The following EPHA7 variants were observed in gnomAD, a reference collection of about 807,000 sequenced individuals.
The protein encoded by EPHA7 is ephrin type-A receptor 7.
In EPHA7, 25 loss-of-function variants were observed where a neutral mutation model predicts 112.6. The observed-to-expected ratio is 0.22, with a 90% CI of 0.16 to 0.31. The LOEUF is 0.31. Among genes scored for constraint, EPHA7 ranks in the 10% least tolerant of loss-of-function variants. The pLI is 1.00. For missense variants in EPHA7, 962 were observed against 1,212.6 expected, an observed-to-expected ratio of 0.79 and a Z score of 3.07; for synonymous variants, 437 against 406.5, an observed-to-expected ratio of 1.07 and a Z score of -0.90.
intron 3 of EPHA7, among the ~76,000 whole-genome samples, chr6:93,372,977 C>T (rs1490249350): frequency 1.3e-5 from 2 of 152,008 alleles, no homozygotes; most frequent in African/African-American, 4.8e-5. Context: ...AAATGTAGTA[C>T]TTCCTTCTGA....
chr6:93,343,187 T>C (rs902641007), intron 5 of EPHA7, among the ~76,000 whole-genome samples: 1 of 151,634 alleles, frequency 6.6e-6, no homozygotes, highest in South Asian at 2.1e-4. Context: ...CCTTCAACAA[T>C]CTATCTGTCC....
chr6:93,359,921 A>ATAGATAGG (rs1776175142), intron 3 of EPHA7, among the ~76,000 whole-genome samples: 2 of 147,086 alleles, frequency 1.4e-5, no homozygotes, highest in South Asian at 4.3e-4. Flanking sequence ...AGATAGATAG[A>ATAGATAGG]GATAGACAGA....
intron 3 of EPHA7, among the ~76,000 whole-genome samples, chr6:93,389,121 T>C (rs1313028963): frequency 2.6e-5 from 4 of 152,080 alleles, no homozygotes; most frequent in Admixed American, 1.3e-4. Context: ...TTCTGTATCA[T>C]TTCCAGCCAC....
chr6:93,364,715 GTACAAC>G (rs1776425188), intron 3 of EPHA7, among the ~76,000 whole-genome samples: 1 of 151,858 alleles, frequency 6.6e-6, no homozygotes, highest in African/African-American at 2.4e-5. Flanking sequence ...AATTACCTAT[GTACAAC>G]TACTGTGTAC....
At chr6:93,393,543 T>C (rs1778011549) in intron 3 of EPHA7, among the ~76,000 whole-genome samples, 1 of 151,882 alleles carries the variant, frequency 6.6e-6, no homozygotes, top group South Asian at 2.1e-4. Context: ...CAGAAGACTT[T>C]ATGATTCCAA....
chr6:93,291,458 C>T (rs1446946548), intron 5 of EPHA7, among the ~76,000 whole-genome samples: 1 of 152,126 alleles, frequency 6.6e-6, no homozygotes, highest in African/African-American at 2.4e-5. Context: ...ACTTCCATCA[C>T]TAAACAACAG....
chr6:93,413,028 A>G (rs1311649712), intron 2 of EPHA7, among the ~76,000 whole-genome samples: 1 of 152,010 alleles, frequency 6.6e-6, no homozygotes, highest in African/African-American at 2.4e-5. Context: ...TTCATTTAAC[A>G]CAACTGTTGT....
chr6:93,389,018 T>C (rs1378404338), intron 3 of EPHA7, among the ~76,000 whole-genome samples: 1 of 151,978 alleles, frequency 6.6e-6, no homozygotes, highest in Non-Finnish European at 1.5e-5. Flanking sequence ...GTAAGATAGA[T>C]AAGACACAGA....
chr6:93,417,382 C>G (rs1344752434), intron 1 of EPHA7, among the ~76,000 whole-genome samples: 1 of 152,104 alleles, frequency 6.6e-6, no homozygotes, highest in Non-Finnish European at 1.5e-5. Flanking sequence ...GCCTAGAAGC[C>G]GGGCGCACTC....
At chr6:93,369,847 C>T (rs1220423660) in intron 3 of EPHA7, among the ~76,000 whole-genome samples, 1 of 152,182 alleles carries the variant, frequency 6.6e-6, no homozygotes, top group East Asian at 1.9e-4. Flanking sequence ...GTGACACCAT[C>T]CCACTTACCA....
At chr6:93,356,313 T>C (rs1036248848) in intron 5 of EPHA7, among the ~76,000 whole-genome samples, 57 of 152,044 alleles carry the variant, frequency 3.7e-4, no homozygotes, top group Admixed American at 3.1e-3. Flanking sequence ...GTTCAAGTGA[T>C]TCTCCTGCCT....
intron 6 of EPHA7, among the ~76,000 whole-genome samples, 195 bp downstream of exon 6, chr6:93,272,103 C>G (rs994537929): frequency 1.3e-5 from 2 of 151,712 alleles, no homozygotes; most frequent in Non-Finnish European, 2.9e-5. Flanking sequence ...AACACAGAAA[C>G]TTAATACACA....
At chr6:93,284,337 T>A (rs1771949296) in intron 5 of EPHA7, among the ~76,000 whole-genome samples, 1 of 151,788 alleles carries the variant, frequency 6.6e-6, no homozygotes, top group African/African-American at 2.4e-5. Flanking sequence ...TTTTTCAAAA[T>A]CATCATTCTG....
rs1056394731 is a variant in EPHA7 at position 93,282,137 on chromosome 6, C to A, written c.1325-9715G>T. ...GGTTTACTTTTAAGAAACAGTAAATCATGTATTTAAACAATATATAATTTG... is the reference window on the plus strand; with the variant it reads ...GGTTTACTTTTAAGAAACAGTAAATAATGTATTTAAACAATATATAATTTG... On this transcript the variant is annotated intron_variant, in intron 5 of 16. Coordinates refer to ENST00000369303, the MANE Select transcript of EPHA7 (RefSeq NM_004440.4). Among the ~76,000 whole-genome samples the A allele has an allele frequency of 6.8e-4, 103 of 152,004 alleles. 1 individual carries two copies. Among genetic ancestry groups the A allele is most frequent in the African/African-American group, 2.4e-3 (101 of 41,490 alleles).
In EPHA7 at chr6:93,410,667, T is replaced by C; in HGVS notation, c.666A>G (p.Ser222=). The C allele has an allele frequency of 6.2e-7, 1 of 1,614,078 alleles. No individual in the cohort carries two copies. The highest frequency in any genetic ancestry group is 8.5e-7 in the Non-Finnish European group (1 of 1,179,964). Residue 222 remains serine, a synonymous_variant, in exon 3 of 17, where the codon TCA becomes TCG. Transcript: ENST00000369303. This position sits in a 1 kb window ranked among gnomAD's most constrained non-coding sequence, Gnocchi z 4.0. ...GAACCTCGACTAAAGAGGAAAATTC[T>C]GAACCAGTCACTGTATCTGGAAAGA... The part of the protein sequence containing the change: ...LAIFPDTVTG[S]EFSSLVEVRG...
At chr6:93,326,576 T>C (rs116135811) in intron 5 of EPHA7, among the ~76,000 whole-genome samples, 1 of 151,458 alleles carries the variant, frequency 6.6e-6, no homozygotes, top group African/African-American at 2.4e-5. Context: ...AAATTATTTG[T>C]TCACTGAAAC....
At chr6:93,317,752 G>A (rs1773881520) in intron 5 of EPHA7, among the ~76,000 whole-genome samples, 1 of 152,028 alleles carries the variant, frequency 6.6e-6, no homozygotes, top group African/African-American at 2.4e-5. Flanking sequence ...CTGTTATAAA[G>A]GCAGAAATCC....
chr6:93,373,474 T>C (rs1181121578), intron 3 of EPHA7, among the ~76,000 whole-genome samples: 1 of 152,074 alleles, frequency 6.6e-6, no homozygotes, highest in Non-Finnish European at 1.5e-5. Flanking sequence ...TTACACTGCA[T>C]TTCTTATATT....
chr6:93,327,301 C>T (rs1019627519), intron 5 of EPHA7, among the ~76,000 whole-genome samples: 3 of 151,476 alleles, frequency 2.0e-5, no homozygotes, highest in Middle Eastern at 3.2e-3. Context: ...TCTCAATGGC[C>T]ATTCATTCTC....
Sources: gnomAD v4.1 joint callset for allele counts (sites outside exome capture counted in the v4.1 genomes callset) on GRCh38, gnomAD v4.1.1 for gene constraint, Gnocchi (gnomAD v3.1) non-coding constraint, MANE v1.5 for transcripts, NCBI Gene and HGNC (gene_info 2026-07-23, HGNC 2026-07-21) for gene names.